Variants in SLC2A9 observed in about 807,000 individuals in gnomAD.
The protein encoded by SLC2A9 is solute carrier family 2, facilitated glucose transporter member 9.
SLC2A9 carries 39 observed loss-of-function variants against 50.6 expected under a neutral mutation model. The observed-to-expected ratio is 0.77, with a 90% CI of 0.60 to 1.01. The LOEUF (loss-of-function observed/expected upper bound fraction) is 1.01, where lower values mean the gene tolerates loss of function less well. SLC2A9 is among the 50% of genes least tolerant of loss of function. The probability of loss-of-function intolerance (pLI) is 0.00; values close to 1 mark genes in which losing one functional copy is unlikely to be tolerated. For synonymous variants in SLC2A9, 324 were observed against 276.9 expected, an observed-to-expected ratio of 1.17 and a Z score of -1.69; for missense variants, 686 against 677.6, an observed-to-expected ratio of 1.01 and a Z score of -0.14.
intron 1 of SLC2A9, among the ~76,000 whole-genome samples, chr4:10,031,801 C>T (rs1403784050): frequency 6.6e-6 from 1 of 152,126 alleles, no homozygotes; most frequent in Non-Finnish European, 1.5e-5. Flanking sequence ...TGAGACTGAC[C>T]CCATTCTTGA....
At chr4:9,937,397 C>T (rs1248992415) in intron 6 of SLC2A9, among the ~76,000 whole-genome samples, 1 of 152,114 alleles carries the variant, frequency 6.6e-6, no homozygotes, top group African/African-American at 2.4e-5. Flanking sequence ...TTCTCTCTAG[C>T]CAGGGAAAAG....
In SLC2A9 at chr4:9,819,432, A is replaced by G. The variant is rs192979816; in HGVS notation, n.420+6988T>C. Among the ~76,000 whole-genome samples the G allele has an allele frequency of 2.9e-3, 449 of 152,320 alleles. 1 individual carries two copies. The highest frequency in any genetic ancestry group is 4.5e-3 in the Non-Finnish European group (307 of 68,022). ...ATTCTGATTTCCCAAATAACTAATCATGAACCACCTTTCTTCATGCTTATT... is the reference window on the plus strand; with the variant it reads ...ATTCTGATTTCCCAAATAACTAATCGTGAACCACCTTTCTTCATGCTTATT... On this transcript the variant is annotated intron_variant and non_coding_transcript_variant, in intron 3 of 3. Transcript: ENST00000503280.
intron 5 of SLC2A9, among the ~76,000 whole-genome samples, chr4:9,943,887 T>C (rs1284810334): frequency 1.3e-5 from 2 of 152,154 alleles, no homozygotes; most frequent in Non-Finnish European, 2.9e-5. Context: ...GGCTGTCTCC[T>C]TCCACCGCAC....
intron 10 of SLC2A9, among the ~76,000 whole-genome samples, chr4:9,840,136 T>A (rs1049918771): frequency 1.3e-5 from 2 of 152,196 alleles, no homozygotes; most frequent in Non-Finnish European, 2.9e-5. Context: ...AGCTGCAAAC[T>A]CAGTGACTCT....
downstream of SLC2A9, chr4:9,826,132 C>T (rs913320890): frequency 3.0e-5 from 14 of 473,596 alleles, no homozygotes; most frequent in African/African-American, 1.9e-4. Context: ...TATAGAAGAA[C>T]GCTGGGTCTA....
intron 1 of SLC2A9, chr4:10,036,016 A>G (rs1329205921): frequency 4.9e-6 from 1 of 205,468 alleles, no homozygotes; most frequent in Non-Finnish European, 9.3e-6. Context: ...CCAGAATCCC[A>G]GGGTCTCCAG....
At chr4:9,826,719 A>T in intron 11 of SLC2A9, 119 bp from the exon 12 acceptor site, 1 of 916,766 alleles carries the variant, frequency 1.1e-6, no homozygotes, top group Admixed American at 2.0e-5. Flanking sequence ...CCTAGACAAA[A>T]CACCATGTGT....
chr4:9,773,961 C>T lies in SLC2A9; in HGVS notation n.182-2592G>A, dbSNP rs76617595. ...AGGTCTTATTGATACACAGAACACT[C>T]TCAGTTTCAAAAAATGATGAGAAAC... On this transcript the variant is annotated intron_variant and non_coding_transcript_variant, in intron 1 of 1. Transcript: ENST00000508585. Among the ~76,000 whole-genome samples the T allele has an allele frequency of 3.5e-3, 530 of 150,548 alleles. 19 individuals are homozygous for T. The East Asian group carries it at 0.043, about 12-fold the overall frequency.
intron 10 of SLC2A9, among the ~76,000 whole-genome samples, chr4:9,863,086 C>G (rs919958218): frequency 3.3e-5 from 5 of 152,130 alleles, no homozygotes; most frequent in African/African-American, 1.2e-4. Flanking sequence ...CGAGAAATGT[C>G]TCTGACTCTA....
intron 1 of SLC2A9, among the ~76,000 whole-genome samples, chr4:9,772,713 T>TAA (rs201617971): frequency 9.2e-5 from 14 of 152,204 alleles, no homozygotes; most frequent in African/African-American, 3.1e-4. Context: ...AGCATTGCTG[T>TAA]AAAAAAAACT....
chr4:9,825,079 G>A (rs1490864008), downstream of SLC2A9, among the ~76,000 whole-genome samples: 2 of 152,198 alleles, frequency 1.3e-5, no homozygotes, highest in African/African-American at 4.8e-5. Flanking sequence ...TAGTGGTATT[G>A]CTAAGTCAAG....
chr4:9,877,166 A>C (rs1038952298), intron 10 of SLC2A9, among the ~76,000 whole-genome samples: 9 of 152,218 alleles, frequency 5.9e-5, no homozygotes, highest in African/African-American at 2.2e-4. Context: ...TGGGATACTT[A>C]AGGTAATTGG....
chr4:9,797,817 G>A (rs934010181), downstream of SLC2A9, among the ~76,000 whole-genome samples: 10 of 152,026 alleles, frequency 6.6e-5, no homozygotes, highest in African/African-American at 2.4e-4. Context: ...TTTGAAACAG[G>A]GTCTCACTCT....
At chr4:9,852,586 G>T (rs543359388) in intron 10 of SLC2A9, among the ~76,000 whole-genome samples, 1 of 152,276 alleles carries the variant, frequency 6.6e-6, no homozygotes, top group South Asian at 2.1e-4. Context: ...TTCCAATCAA[G>T]AATTTTGTAG....
At chr4:9,948,966 T>G (rs939048041) in intron 5 of SLC2A9, among the ~76,000 whole-genome samples, 4 of 152,228 alleles carry the variant, frequency 2.6e-5, no homozygotes, top group Non-Finnish European at 5.9e-5. Flanking sequence ...CCATTGAAAC[T>G]TCTCCTAGGC....
intron 10 of SLC2A9, among the ~76,000 whole-genome samples, chr4:9,840,439 T>G (rs1727857895): frequency 6.6e-6 from 1 of 152,242 alleles, no homozygotes; most frequent in Non-Finnish European, 1.5e-5. Context: ...TTATTTTGTT[T>G]TTAAGAATGA....
At chr4:9,807,775 G>C in intron 3 of SLC2A9, among the ~76,000 whole-genome samples, 1 of 152,208 alleles carries the variant, frequency 6.6e-6, no homozygotes, top group Non-Finnish European at 1.5e-5. Context: ...TTGGCCAGCT[G>C]TCAGTGGCCA....
rs567146568 is a variant in SLC2A9, at chr4:9,956,882, A to C, written c.682-14837T>G. Among the ~76,000 whole-genome samples the C allele has an allele frequency of 1.6e-4, 24 of 152,316 alleles. No individual in the cohort carries two copies. In the South Asian group the frequency reaches 2.3e-3, roughly 14 times the overall value. Reference sequence around the variant, plus strand: ...ATTAACCACAAGGACATGGGAATGCAAGAAATGGCAATGGTGAGCAAGAGG... The same window carrying C: ...ATTAACCACAAGGACATGGGAATGCCAGAAATGGCAATGGTGAGCAAGAGG... On this transcript the variant is annotated intron_variant, in intron 5 of 11. Coordinates refer to ENST00000264784, the MANE Select transcript of SLC2A9 (RefSeq NM_020041.3).
At chr4:9,877,563 C>T (rs76606104) in intron 10 of SLC2A9, among the ~76,000 whole-genome samples, 18,461 of 152,172 alleles carry the variant, frequency 0.12, 1,315 homozygotes, top group African/African-American at 0.17. Context: ...CTTCTTTTTT[C>T]CCTCTCCTGC....
Sources: gnomAD v4.1 joint callset for allele counts (sites outside exome capture counted in the v4.1 genomes callset) on GRCh38, gnomAD v4.1.1 for gene constraint, MANE v1.5 for transcripts, NCBI Gene and HGNC (gene_info 2026-07-23, HGNC 2026-07-21) for gene names.